Variants in PABIR3 observed in about 807,000 individuals in gnomAD.
PABIR3 encodes PABIR family member 3.
In PABIR3, 20 loss-of-function variants were observed where a neutral mutation model predicts 23.1. The ratio of observed to expected loss-of-function variants is 0.86; its 90% confidence interval spans 0.61 to 1.26. PABIR3 has a LOEUF of 1.26. PABIR3 is among the 50% of genes most tolerant of loss of function. The pLI is 0.00. For missense variants in PABIR3, 189 were observed against 195.4 expected (o/e 0.97, Z 0.20); for synonymous variants, 69 against 68.5 (o/e 1.01, Z -0.04).
At chrX:134,808,275 C>T (rs771370936) in intron 2 of PABIR3, 3 of 293,383 alleles carry the variant, frequency 1.0e-5, no homozygotes, top group Non-Finnish European at 1.8e-5. Context: ...CTGTAACCTC[C>T]GCCTCCTGGC....
intron 2 of PABIR3, chrX:134,808,198 G>C: frequency 3.6e-6 from 1 of 279,021 alleles, no homozygotes. Context: ...TTTTTTTTTT[G>C]TCTTTTTTTG....
intron 4 of PABIR3, among the ~76,000 whole-genome samples, chrX:134,842,923 C>T (rs1316119286): frequency 9.3e-6 from 1 of 107,767 alleles, no homozygotes; most frequent in African/African-American, 3.4e-5. Flanking sequence ...ATTAATTTGG[C>T]CGGGCGCCAT....
At position 134,849,322 on chromosome X, in the gene PABIR3, CTTTA is replaced by C. The variant is rs753126109; in HGVS notation, c.589+103_589+106del. On this transcript the variant is annotated intron_variant, in intron 9 of 10. Coordinates refer to ENST00000645433, the MANE Select transcript of PABIR3 (RefSeq NM_001388447.1). The stretch of plus-strand genomic sequence containing the variant: ...TTATACAAAAATGTATTTTTAAAGG[CTTTA>C]TTTATTTAAAATATATTTAATAAGC... 5 of 349,875 alleles carry C rather than the reference CTTTA, an allele frequency of 1.4e-5. No homozygotes were observed. In the South Asian group the frequency reaches 6.2e-4, roughly 43 times the overall value. 28.8% of individuals were successfully genotyped at this position (349,875 alleles called of 1,213,427 possible). A position where few individuals can be genotyped will look rare whatever the true frequency, so the allele number is the denominator to read the frequency against.
chrX:134,803,655 G>A (rs1053179498), upstream of PABIR3, among the ~76,000 whole-genome samples: 6 of 111,860 alleles, frequency 5.4e-5, no homozygotes, highest in Admixed American at 1.9e-4. Flanking sequence ...AACAACCTCT[G>A]TTTTTGAGCA....
chrX:134,834,872 T>C (rs1257250412), intron 4 of PABIR3, among the ~76,000 whole-genome samples: 2 of 111,363 alleles, frequency 1.8e-5, no homozygotes, highest in Non-Finnish European at 3.8e-5. Context: ...GGTCTATATC[T>C]CTGTTTTGGT....
intron 3 of PABIR3, among the ~76,000 whole-genome samples, chrX:134,828,277 G>C (rs2081613125): frequency 9.1e-6 from 1 of 109,371 alleles, no homozygotes; most frequent in Non-Finnish European, 1.9e-5. Flanking sequence ...TTTTAGTAGA[G>C]ATGGGGTTTC....
At chrX:134,825,718 A>T (rs924264865) in intron 3 of PABIR3, among the ~76,000 whole-genome samples, 1 of 110,122 alleles carries the variant, frequency 9.1e-6, no homozygotes, top group African/African-American at 3.3e-5. Context: ...CCAGGCTGGA[A>T]TGCAGTTGAT....
At chrX:134,835,049 G>T (rs974106340) in intron 4 of PABIR3, 2 of 111,415 alleles carry the variant, frequency 1.8e-5, no homozygotes, top group African/African-American at 6.5e-5. Context: ...CTGTTAAATA[G>T]TTTTTTTAAT....
downstream of PABIR3, among the ~76,000 whole-genome samples, chrX:134,856,832 G>A (rs894563863): frequency 1.8e-5 from 2 of 110,260 alleles, no homozygotes; most frequent in African/African-American, 6.6e-5. Context: ...CCAACATGGC[G>A]AAATCCTGTC....
intron 4 of PABIR3, among the ~76,000 whole-genome samples, chrX:134,841,844 A>AT (rs968076635): frequency 1.1e-4 from 12 of 110,586 alleles, no homozygotes; most frequent in African/African-American, 3.9e-4. Context: ...AAAAATAAAA[A>AT]TAAAAATAAA....
chrX:134,823,972 C>T (rs1384128421), intron 3 of PABIR3, among the ~76,000 whole-genome samples: 1 of 111,322 alleles, frequency 9.0e-6, no homozygotes, highest in East Asian at 2.8e-4. Flanking sequence ...TTCTGGAGGG[C>T]AGCTTGGTGA....
At chrX:134,828,045 C>CTATATATATATATA (rs1487383716) in intron 3 of PABIR3, among the ~76,000 whole-genome samples, 1 of 59,222 alleles carries the variant, frequency 1.7e-5, no homozygotes, top group East Asian at 5.6e-4. Context: ...CTCTCTCTCT[C>CTATATATATATATA]TCTATATATA....
intron 3 of PABIR3, among the ~76,000 whole-genome samples, chrX:134,815,058 C>T (rs2080901312): frequency 8.9e-6 from 1 of 111,947 alleles, no homozygotes; most frequent in Non-Finnish European, 1.9e-5. Context: ...AGAAACACTG[C>T]TCTAAACATT....
chrX:134,855,162 T>C (rs2082741572), downstream of PABIR3, among the ~76,000 whole-genome samples: 1 of 110,289 alleles, frequency 9.1e-6, no homozygotes, highest in Admixed American at 9.7e-5. Flanking sequence ...AGGCTGGGCG[T>C]GGTGGCTCAT....
chrX:134,864,225 A>G, the PABIR3 span, among the ~76,000 whole-genome samples: 4 of 109,969 alleles, frequency 3.6e-5, no homozygotes, highest in Non-Finnish European at 7.6e-5. Context: ...AGGGTTTCAC[A>G]TGTTGGCCAG....
chrX:134,837,910 T>G (rs1434258277), intron 4 of PABIR3, among the ~76,000 whole-genome samples: 2 of 112,426 alleles, frequency 1.8e-5, no homozygotes, highest in Admixed American at 9.5e-5. Context: ...AGAACTATAC[T>G]AACAATTACA....
intron 1 of PABIR3, among the ~76,000 whole-genome samples, chrX:134,799,287 G>A (rs184547507): frequency 1.8e-5 from 2 of 112,273 alleles, no homozygotes; most frequent in East Asian, 5.6e-4. Context: ...AAATGAAGGA[G>A]AGAGTTATTA....
chrX:134,801,840 A>G (rs1177571318), intron 1 of PABIR3, among the ~76,000 whole-genome samples: 1 of 110,329 alleles, frequency 9.1e-6, no homozygotes, highest in Non-Finnish European at 1.9e-5. Context: ...GTATTACAAA[A>G]GAAAATTCGA....
At chrX:134,837,061 G>T (rs2081997005) in intron 4 of PABIR3, among the ~76,000 whole-genome samples, 1 of 110,109 alleles carries the variant, frequency 9.1e-6, no homozygotes, top group South Asian at 3.9e-4. Context: ...TTTTTAATTT[G>T]CTGGCCGGGC....
Sources: allele counts gnomAD v4.1 joint callset (sites outside exome capture counted in the v4.1 genomes callset), GRCh38; gene constraint gnomAD v4.1.1; transcripts MANE v1.5; gene names NCBI Gene and HGNC (gene_info 2026-07-23, HGNC 2026-07-21).